Variants in NR2F1-AS1 observed in about 807,000 individuals in gnomAD.
The protein encoded by NR2F1-AS1 is NR2F1 antisense RNA 1.
chr5:93,566,144 A>T (rs1373309789), intron 1 of NR2F1-AS1, among the ~76,000 whole-genome samples: 4 of 151,978 alleles, frequency 2.6e-5, no homozygotes, highest in African/African-American at 9.7e-5. Flanking sequence ...TGCCTCCAAA[A>T]TATCTGAAAT....
chr5:93,492,442 C>T (rs1380375065), intron 4 of NR2F1-AS1, among the ~76,000 whole-genome samples: 1 of 151,406 alleles, frequency 6.6e-6, no homozygotes, highest in African/African-American at 2.5e-5. Flanking sequence ...ATTAATTCTA[C>T]CAAACACTAA....
intron 4 of NR2F1-AS1, among the ~76,000 whole-genome samples, chr5:93,447,370 C>T (rs1363978008): frequency 6.6e-6 from 1 of 152,138 alleles, no homozygotes; most frequent in African/African-American, 2.4e-5. Context: ...AAAAATCAAA[C>T]AACCCCATCA....
chr5:93,470,334 T>C (rs915234792), intron 4 of NR2F1-AS1, among the ~76,000 whole-genome samples: 1 of 151,926 alleles, frequency 6.6e-6, no homozygotes. Flanking sequence ...CTACATACTA[T>C]AATAAAAAAT....
intron 4 of NR2F1-AS1, among the ~76,000 whole-genome samples, chr5:93,489,738 A>T (rs1750798111): frequency 6.6e-6 from 1 of 152,180 alleles, no homozygotes; most frequent in Non-Finnish European, 1.5e-5. Flanking sequence ...ATAAAGACCA[A>T]ATCCTGTCTC....
At chr5:93,584,884 C>G (rs1371454209), upstream of NR2F1-AS1, 3 of 167,116 alleles carry the variant, frequency 1.8e-5, no homozygotes, top group African/African-American at 7.3e-5. Context: ...TCGGCTCCTG[C>G]GACCCCGGGG....
intron 4 of NR2F1-AS1, among the ~76,000 whole-genome samples, chr5:93,519,486 G>A (rs1751461384): frequency 1.3e-5 from 2 of 151,974 alleles, no homozygotes; most frequent in African/African-American, 2.4e-5. Flanking sequence ...CACACTGCAT[G>A]ATGCTGAAAG....
intron 4 of NR2F1-AS1, among the ~76,000 whole-genome samples, chr5:93,507,159 G>A (rs1486448308): frequency 6.6e-6 from 1 of 152,056 alleles, no homozygotes; most frequent in Non-Finnish European, 1.5e-5. Flanking sequence ...ATTATATTAA[G>A]AAACTTTTAG....
At chr5:93,421,943 G>A (rs1580209548) in intron 4 of NR2F1-AS1, among the ~76,000 whole-genome samples, 1 of 152,214 alleles carries the variant, frequency 6.6e-6, no homozygotes, top group African/African-American at 2.4e-5. Context: ...GCTTTCAGAA[G>A]CTTCACACTG....
chr5:93,552,407 GT>G (rs1752251607), intron 4 of NR2F1-AS1, among the ~76,000 whole-genome samples: 1 of 152,168 alleles, frequency 6.6e-6, no homozygotes, highest in Non-Finnish European at 1.5e-5. Context: ...AAGCTAGTCA[GT>G]TTAACTGGGG....
At chr5:93,475,368 G>GA (rs1194717145) in intron 4 of NR2F1-AS1, among the ~76,000 whole-genome samples, 2 of 151,788 alleles carry the variant, frequency 1.3e-5, no homozygotes, top group Non-Finnish European at 2.9e-5. Context: ...GTCAACTCTA[G>GA]AAAAAAAACA....
At chr5:93,567,989 A>C (rs1054553096) in intron 1 of NR2F1-AS1, among the ~76,000 whole-genome samples, 3 of 152,212 alleles carry the variant, frequency 2.0e-5, no homozygotes, top group African/African-American at 4.8e-5. Flanking sequence ...TTTCACCAGA[A>C]ACTAAGTGTA....
chr5:93,532,742 T>C (rs1751760756), intron 4 of NR2F1-AS1, among the ~76,000 whole-genome samples: 1 of 152,238 alleles, frequency 6.6e-6, no homozygotes, highest in South Asian at 2.1e-4. Flanking sequence ...CTCAGATTCG[T>C]GGTTAAGTGA....
intron 4 of NR2F1-AS1, among the ~76,000 whole-genome samples, chr5:93,456,299 C>A (rs1220983299): frequency 6.6e-6 from 1 of 152,004 alleles, no homozygotes; most frequent in African/African-American, 2.4e-5. Flanking sequence ...GTTCTAAGAA[C>A]AAATAACTGG....
intron 1 of NR2F1-AS1, among the ~76,000 whole-genome samples, chr5:93,577,170 G>C (rs549859478): frequency 5.9e-5 from 9 of 152,172 alleles, no homozygotes; most frequent in African/African-American, 2.2e-4. Flanking sequence ...CTTCTCCTGG[G>C]CCCTCTAACT....
At chr5:93,429,641 T>C (rs1046755858) in intron 4 of NR2F1-AS1, among the ~76,000 whole-genome samples, 1 of 152,248 alleles carries the variant, frequency 6.6e-6, no homozygotes, top group Non-Finnish European at 1.5e-5. Flanking sequence ...TCAGTGGCTA[T>C]AAACATATCC....
intron 1 of NR2F1-AS1, among the ~76,000 whole-genome samples, chr5:93,572,064 G>A (rs1485232386): frequency 1.3e-5 from 2 of 152,320 alleles, no homozygotes; most frequent in Non-Finnish European, 2.9e-5. Flanking sequence ...CTGACCGGGC[G>A]GCGGGACCCA....
chr5:93,522,799 G>T (rs114152186), intron 4 of NR2F1-AS1, among the ~76,000 whole-genome samples: 4,476 of 152,016 alleles, frequency 0.029, 213 homozygotes, highest in African/African-American at 0.1. Context: ...CATGAGGGAC[G>T]GTGCATTCTG....
intron 4 of NR2F1-AS1, among the ~76,000 whole-genome samples, chr5:93,480,841 T>A (rs1364870009): frequency 6.6e-6 from 1 of 151,886 alleles, no homozygotes; most frequent in African/African-American, 2.4e-5. Flanking sequence ...TAATCCCCCA[T>A]GGTAACCACT....
intron 4 of NR2F1-AS1, among the ~76,000 whole-genome samples, chr5:93,468,096 A>G (rs988902375): frequency 1.3e-5 from 2 of 152,200 alleles, no homozygotes; most frequent in Admixed American, 1.3e-4. Context: ...GCTATTGTGA[A>G]TAGTGCCGCA....
Sources: gnomAD v4.1 joint callset for allele counts (sites outside exome capture counted in the v4.1 genomes callset) on GRCh38, gnomAD v4.1.1 for gene constraint, MANE v1.5 for transcripts, NCBI Gene and HGNC (gene_info 2026-07-23, HGNC 2026-07-21) for gene names.